ERBB4: variants seen among roughly 807,000 people sequenced by gnomAD.
ERBB4 encodes erb-b2 receptor tyrosine kinase 4, also known as receptor tyrosine-protein kinase erbB-4.
Under a neutral mutation model 158.0 loss-of-function variants are expected in ERBB4, and 42 were observed. The observed-to-expected ratio is 0.27, with a 90% confidence interval of 0.21 to 0.34. ERBB4 has a LOEUF of 0.34. Among genes scored for constraint, ERBB4 ranks in the 10% least tolerant of loss-of-function variants. The probability of loss-of-function intolerance (pLI) is 1.00; values close to 1 mark genes in which losing one functional copy is unlikely to be tolerated. For synonymous variants in ERBB4, 583 were observed against 558.7 expected, an observed-to-expected ratio of 1.04 and a Z score of -0.61; for missense variants, 1,333 against 1,624.1, an observed-to-expected ratio of 0.82 and a Z score of 3.08.
At chr2:212,419,104 A>ATT (rs34453056) in intron 1 of ERBB4, among the ~76,000 whole-genome samples, 12 of 146,098 alleles carry the variant, frequency 8.2e-5, no homozygotes, top group South Asian at 4.3e-4. Flanking sequence ...CTCTTCCTTC[A>ATT]TTTTTTTTTT....
intron 1 of ERBB4, among the ~76,000 whole-genome samples, chr2:212,346,291 A>G (rs1360374591): frequency 7.9e-6 from 1 of 126,366 alleles, no homozygotes; most frequent in African/African-American, 3.0e-5. Context: ...ACCTATTTTT[A>G]TATTTCCTCA....
intron 4 of ERBB4, among the ~76,000 whole-genome samples, chr2:211,781,116 T>C (rs1006972148): frequency 6.6e-6 from 1 of 152,206 alleles, no homozygotes; most frequent in African/African-American, 2.4e-5. Context: ...TTTACCTAAA[T>C]ATTTTCATAT....
chr2:212,433,120 TC>T (rs2105947714), intron 1 of ERBB4, among the ~76,000 whole-genome samples: 1 of 152,190 alleles, frequency 6.6e-6, no homozygotes, highest in Admixed American at 6.6e-5. Context: ...TATTATGCAT[TC>T]TTAAAGCACA....
At chr2:211,670,593 A>G (rs1360681253) in intron 14 of ERBB4, among the ~76,000 whole-genome samples, 1 of 152,174 alleles carries the variant, frequency 6.6e-6, no homozygotes, top group African/African-American at 2.4e-5. Flanking sequence ...TGATAAGCAC[A>G]TTGAGACTGG....
At chr2:212,440,434 G>C (rs1055874446) in intron 1 of ERBB4, among the ~76,000 whole-genome samples, 21 of 152,178 alleles carry the variant, frequency 1.4e-4, no homozygotes, top group Admixed American at 5.2e-4. Context: ...GGCTGTCCTT[G>C]CTCCTCATCT....
intron 1 of ERBB4, among the ~76,000 whole-genome samples, chr2:212,521,226 T>C (rs886638284): frequency 6.6e-6 from 1 of 151,954 alleles, no homozygotes; most frequent in Non-Finnish European, 1.5e-5. Context: ...GGACAGAGGA[T>C]TTGAGTTTGC....
intron 2 of ERBB4, among the ~76,000 whole-genome samples, chr2:211,987,341 A>AAAAAATG (rs1215048952): frequency 1.6e-5 from 2 of 124,416 alleles, no homozygotes; most frequent in Non-Finnish European, 3.3e-5. Flanking sequence ...AAAAAAAAAA[A>AAAAAATG]AAAGAAAGAA....
chr2:211,807,492 C>T (rs1429138477), intron 3 of ERBB4, among the ~76,000 whole-genome samples: 4 of 152,166 alleles, frequency 2.6e-5, no homozygotes, highest in Non-Finnish European at 5.9e-5. Context: ...TTTATGGCTG[C>T]ACAGTATTCC....
At chr2:212,050,388 C>A (rs2077368626) in intron 2 of ERBB4, among the ~76,000 whole-genome samples, 2 of 152,086 alleles carry the variant, frequency 1.3e-5, no homozygotes, top group South Asian at 4.1e-4. Context: ...AGAAAAATTT[C>A]ATTTCCCCTC....
chr2:212,533,559 A>C (rs1476621683), intron 1 of ERBB4, among the ~76,000 whole-genome samples: 1 of 152,214 alleles, frequency 6.6e-6, no homozygotes, highest in African/African-American at 2.4e-5. Context: ...TGTTGAAGAC[A>C]TACAGTTTCA....
At chr2:211,433,387 C>G (rs1008936446) in intron 20 of ERBB4, among the ~76,000 whole-genome samples, 3 of 152,104 alleles carry the variant, frequency 2.0e-5, no homozygotes, top group Admixed American at 6.5e-5. Flanking sequence ...CGAGACCATC[C>G]TGGCTAACAT....
At chr2:212,304,746 T>C (rs2086745952) in intron 1 of ERBB4, among the ~76,000 whole-genome samples, 1 of 151,438 alleles carries the variant, frequency 6.6e-6, no homozygotes. Context: ...ACCTGAGCCC[T>C]TCTAGTAACT....
chr2:212,533,966 C>T (rs550768803), intron 1 of ERBB4, among the ~76,000 whole-genome samples: 1 of 152,282 alleles, frequency 6.6e-6, no homozygotes, highest in African/African-American at 2.4e-5. Flanking sequence ...CAGTATCTCT[C>T]AAAACTGGTA....
chr2:212,427,123 T>C (rs887740135), intron 1 of ERBB4, among the ~76,000 whole-genome samples: 2 of 152,266 alleles, frequency 1.3e-5, no homozygotes, highest in Admixed American at 6.6e-5. Flanking sequence ...GAATGCATTA[T>C]TGATATGGAA....
intron 7 of ERBB4, among the ~76,000 whole-genome samples, chr2:211,714,597 AAC>A (rs1239790531): frequency 6.6e-6 from 1 of 152,192 alleles, no homozygotes; most frequent in Non-Finnish European, 1.5e-5. Flanking sequence ...AGAAAATCAC[AAC>A]AGAGACTTCT....
chr2:211,917,471 A>T (rs932330741), intron 3 of ERBB4, among the ~76,000 whole-genome samples: 2 of 152,164 alleles, frequency 1.3e-5, no homozygotes, highest in African/African-American at 4.8e-5. Flanking sequence ...TCATTACCAC[A>T]ACAGATGAAG....
At chr2:211,714,595 A>C (rs540801836) in intron 7 of ERBB4, among the ~76,000 whole-genome samples, 2 of 152,214 alleles carry the variant, frequency 1.3e-5, no homozygotes, top group Non-Finnish European at 2.9e-5. Flanking sequence ...TCAGAAAATC[A>C]CAACAGAGAC....
At chr2:212,042,042 CCTT>C (rs1303541989) in intron 2 of ERBB4, among the ~76,000 whole-genome samples, 3 of 152,016 alleles carry the variant, frequency 2.0e-5, no homozygotes, top group African/African-American at 7.2e-5. Context: ...TCTATTATCT[CCTT>C]TTTTCCTTCG....
intron 3 of ERBB4, among the ~76,000 whole-genome samples, chr2:211,827,687 C>G (rs1470243830): frequency 6.6e-6 from 1 of 151,368 alleles, no homozygotes; most frequent in Non-Finnish European, 1.5e-5. Context: ...TTAAAAATAC[C>G]TCCAATCCAT....
Sources: allele counts gnomAD v4.1 joint callset (sites outside exome capture counted in the v4.1 genomes callset), GRCh38; gene constraint gnomAD v4.1.1; transcripts MANE v1.5; gene names NCBI Gene and HGNC (gene_info 2026-07-23, HGNC 2026-07-21).